Variants in ME1 observed in about 807,000 individuals in gnomAD.
ME1 encodes the protein malic enzyme 1.
Under a neutral mutation model 66.4 loss-of-function variants are expected in ME1, and 74 were observed. The ratio of observed to expected loss-of-function variants is 1.11; its 90% CI spans 0.92 to 1.35. ME1 has a LOEUF of 1.35. Ranked by LOEUF, ME1 falls within the 40% of genes most tolerant of loss-of-function variation. The probability of loss-of-function intolerance (pLI) is 0.00; values close to 1 mark genes in which losing one functional copy is unlikely to be tolerated. For synonymous variants in ME1, 251 were observed against 235.6 expected (o/e 1.07, Z -0.60); for missense variants, 750 against 694.1 (o/e 1.08, Z -0.90).
intron 3 of ME1, among the ~76,000 whole-genome samples, chr6:83,391,032 T>A (rs1002267440): frequency 5.3e-5 from 8 of 152,284 alleles, no homozygotes; most frequent in African/African-American, 1.7e-4. Flanking sequence ...TATAGTCTTA[T>A]AAATCCAGTT....
chr6:83,299,235 T>C lies in ME1; in HGVS notation c.704+16075A>G, dbSNP rs1583365646. ...TCACAATATTGATTCTTCCTATCCATGAGCATGGAAGGTTTTCCATTTGTT... is the reference window on the plus strand; with the variant it reads ...TCACAATATTGATTCTTCCTATCCACGAGCATGGAAGGTTTTCCATTTGTT... On this transcript the variant is annotated intron_variant, in intron 6 of 13. Coordinates refer to ENST00000369705, the MANE Select transcript of ME1 (RefSeq NM_002395.6). 2.0e-5 allele frequency among the ~76,000 whole-genome samples: 3 copies of C among 152,196 alleles called. No homozygotes were observed. In the South Asian group the frequency reaches 6.2e-4, roughly 32 times the overall value.
intron 5 of ME1, among the ~76,000 whole-genome samples, chr6:83,320,511 C>T (rs764644186): frequency 4.6e-5 from 7 of 152,168 alleles, no homozygotes; most frequent in Non-Finnish European, 1.0e-4. Flanking sequence ...AAATCAAGTG[C>T]CGCTGTAAAC....
chr6:83,404,672 T>C (rs1168683548), intron 2 of ME1, among the ~76,000 whole-genome samples: 1 of 152,200 alleles, frequency 6.6e-6, no homozygotes, highest in African/African-American at 2.4e-5. Flanking sequence ...CCATCTTGAG[T>C]TAATTTTTGT....
chr6:83,364,737 C>CTATCT (rs545913660), intron 3 of ME1, among the ~76,000 whole-genome samples: 1 of 151,912 alleles, frequency 6.6e-6, no homozygotes, highest in African/African-American at 2.4e-5. Context: ...ATCTATCTGT[C>CTATCT]ATCTATCTAT....
At chr6:83,257,607 T>C (rs1474533072) in intron 6 of ME1, among the ~76,000 whole-genome samples, 1 of 152,208 alleles carries the variant, frequency 6.6e-6, no homozygotes, top group Non-Finnish European at 1.5e-5. Flanking sequence ...TATGATGCCG[T>C]TTATCCTCCA....
At chr6:83,378,175 A>G (rs1160700970) in intron 3 of ME1, among the ~76,000 whole-genome samples, 4 of 152,050 alleles carry the variant, frequency 2.6e-5, no homozygotes, top group African/African-American at 9.6e-5. Context: ...AGACTCATTC[A>G]TTAAAAATAA....
At chr6:83,422,183 T>C (rs977415746) in intron 1 of ME1, among the ~76,000 whole-genome samples, 2 of 152,200 alleles carry the variant, frequency 1.3e-5, no homozygotes, top group Non-Finnish European at 2.9e-5. Flanking sequence ...CCAAAGGCTT[T>C]GAGAAGTAAA....
At chr6:83,222,818 G>A (rs1402139015) in intron 12 of ME1, among the ~76,000 whole-genome samples, 1 of 152,180 alleles carries the variant, frequency 6.6e-6, no homozygotes, top group Non-Finnish European at 1.5e-5. Flanking sequence ...TAGCTTGCAA[G>A]TAGAGTAAAA....
At chr6:83,332,402 T>C (rs750116041) in intron 5 of ME1, among the ~76,000 whole-genome samples, 2 of 152,182 alleles carry the variant, frequency 1.3e-5, no homozygotes, top group African/African-American at 2.4e-5. Context: ...ATCCCACTAC[T>C]GGGTATCCAC....
At chr6:83,340,999 C>G (rs1217544202) in intron 5 of ME1, among the ~76,000 whole-genome samples, 1 of 151,944 alleles carries the variant, frequency 6.6e-6, no homozygotes, top group Non-Finnish European at 1.5e-5. Context: ...TATCTAGTAG[C>G]TTAGCGACCA....
At chr6:83,218,492 T>G (rs1236910165) in intron 12 of ME1, among the ~76,000 whole-genome samples, 1 of 152,084 alleles carries the variant, frequency 6.6e-6, no homozygotes, top group African/African-American at 2.4e-5. Context: ...ACAGACAGGG[T>G]GGCTGTAAGC....
intron 6 of ME1, among the ~76,000 whole-genome samples, chr6:83,266,376 C>T (rs545069001): frequency 6.6e-6 from 1 of 152,254 alleles, no homozygotes; most frequent in East Asian, 1.9e-4. Context: ...ATGTAAAGTA[C>T]AAATCTAGCT....
chr6:83,361,977 G>A (rs1166616602), intron 3 of ME1, among the ~76,000 whole-genome samples: 6 of 152,208 alleles, frequency 3.9e-5, no homozygotes, highest in African/African-American at 1.4e-4. Flanking sequence ...CTCATGAGGA[G>A]TTCCCTATGA....
intron 6 of ME1, among the ~76,000 whole-genome samples, chr6:83,262,024 AAAAAAAG>A (rs1337835451): frequency 6.6e-6 from 1 of 151,676 alleles, no homozygotes; most frequent in African/African-American, 2.4e-5. Flanking sequence ...AAAAAAAAAA[AAAAAAAG>A]AAAAAAGAAA....
At chr6:83,387,704 T>G (rs1332302272) in intron 3 of ME1, among the ~76,000 whole-genome samples, 1 of 152,178 alleles carries the variant, frequency 6.6e-6, no homozygotes, top group Non-Finnish European at 1.5e-5. Flanking sequence ...CATTATTAAA[T>G]GTAGGAAAAA....
intron 6 of ME1, among the ~76,000 whole-genome samples, chr6:83,255,037 A>C (rs1335025455): frequency 1.3e-5 from 2 of 151,928 alleles, no homozygotes; most frequent in Non-Finnish European, 2.9e-5. Flanking sequence ...ACAATAAAAA[A>C]CTCTGTAAGT....
chr6:83,418,148 ATGGGCGGT>A (rs1310092592), intron 1 of ME1, among the ~76,000 whole-genome samples: 1 of 152,208 alleles, frequency 6.6e-6, no homozygotes, highest in Admixed American at 6.5e-5. Flanking sequence ...CAGTTACTTT[ATGGGCGGT>A]TGTGAAGCTC....
intron 2 of ME1, among the ~76,000 whole-genome samples, chr6:83,401,541 A>C (rs1475314013): frequency 6.6e-6 from 1 of 152,198 alleles, no homozygotes; most frequent in East Asian, 1.9e-4. Context: ...GTAAGGACAC[A>C]AGCAGCTAAA....
At chr6:83,334,209 G>A (rs550144589) in intron 5 of ME1, among the ~76,000 whole-genome samples, 5 of 149,916 alleles carry the variant, frequency 3.3e-5, no homozygotes, top group South Asian at 2.2e-4. Flanking sequence ...GGTGACGGAC[G>A]CACCTGGAAA....
Sources: gnomAD v4.1 joint callset for allele counts (sites outside exome capture counted in the v4.1 genomes callset) on GRCh38, gnomAD v4.1.1 for gene constraint, MANE v1.5 for transcripts, NCBI Gene and HGNC (gene_info 2026-07-23, HGNC 2026-07-21) for gene names.